The following FRMD4A variants were observed in gnomAD, a reference collection of about 807,000 sequenced individuals.
The protein encoded by FRMD4A is FERM domain containing 4A, also known as FERM domain-containing protein 4A.
In FRMD4A, 29 loss-of-function variants were observed where a neutral mutation model predicts 129.1. The observed-to-expected ratio is 0.22, with a 90% confidence interval of 0.17 to 0.31. FRMD4A has a LOEUF of 0.31. Ranked by LOEUF, FRMD4A falls within the 10% of genes least tolerant of loss-of-function variation. FRMD4A has a pLI of 1.00. For missense variants in FRMD4A, 1,272 were observed against 1,375.8 expected (o/e 0.92, Z 1.19); for synonymous variants, 634 against 571.6 (o/e 1.11, Z -1.56).
chr10:14,081,934 G>T (rs886116508), intron 2 of FRMD4A, among the ~76,000 whole-genome samples: 3 of 152,198 alleles, frequency 2.0e-5, no homozygotes, highest in Admixed American at 1.3e-4. Context: ...ACTTCTTAAA[G>T]ATTTTCTATC....
intron 6 of FRMD4A, among the ~76,000 whole-genome samples, chr10:13,767,453 G>A (rs1183498265): frequency 6.6e-6 from 1 of 152,120 alleles, no homozygotes; most frequent in Non-Finnish European, 1.5e-5. Context: ...TGGCCAGGCT[G>A]GTCTCAAACT....
intron 2 of FRMD4A, among the ~76,000 whole-genome samples, chr10:14,300,857 C>T (rs938308919): frequency 2.0e-5 from 3 of 152,142 alleles, no homozygotes; most frequent in Admixed American, 6.5e-5. Flanking sequence ...TTTCCCTTTG[C>T]TACTGGGAGG....
chr10:13,789,769 A>ATGTGTGTGTGTGTGTGTGTGTGTG (rs57602565), intron 5 of FRMD4A, among the ~76,000 whole-genome samples: 25 of 130,208 alleles, frequency 1.9e-4, no homozygotes, highest in African/African-American at 7.6e-4. Context: ...GCTGCTTATA[A>ATGTGTGTGTGTGTGTGTGTGTGTG]TGTGTGTGTG....
chr10:13,693,830 C>G, intron 15 of FRMD4A, 68 bp downstream of exon 15: 1 of 1,540,878 alleles, frequency 6.5e-7, no homozygotes, highest in Non-Finnish European at 9.0e-7. Flanking sequence ...GCTCTCCCCA[C>G]CTTCCTGGGT....
At chr10:14,016,046 C>T (rs1482088552) in intron 2 of FRMD4A, among the ~76,000 whole-genome samples, 1 of 152,162 alleles carries the variant, frequency 6.6e-6, no homozygotes, top group Non-Finnish European at 1.5e-5. Context: ...GAAGAGTTTT[C>T]TTTTGTTCCT....
intron 2 of FRMD4A, among the ~76,000 whole-genome samples, chr10:14,267,069 T>G (rs1176780310): frequency 6.6e-6 from 1 of 152,228 alleles, no homozygotes; most frequent in African/African-American, 2.4e-5. Flanking sequence ...ATAGGTGTGA[T>G]TAACAGAGTT....
intron 16 of FRMD4A, 50 bp from the exon 17 acceptor site, chr10:13,670,578 T>C: frequency 6.3e-7 from 1 of 1,599,490 alleles, no homozygotes; most frequent in Non-Finnish European, 8.5e-7. Flanking sequence ...GAGTGGGGCG[T>C]GTCTGCTTCC....
chr10:14,039,381 TCCATCCATCCATCCATCC>T (rs1565204390), intron 2 of FRMD4A, among the ~76,000 whole-genome samples: 21 of 140,280 alleles, frequency 1.5e-4, no homozygotes, highest in African/African-American at 3.3e-4. Flanking sequence ...CATCCATCCA[TCCATCCATCCATCCATCC>T]ATCCATCCAT....
chr10:14,248,463 T>G (rs1289386254), intron 2 of FRMD4A, among the ~76,000 whole-genome samples: 1 of 100,908 alleles, frequency 9.9e-6, no homozygotes, highest in Non-Finnish European at 2.1e-5. Flanking sequence ...AGAGCCAATT[T>G]TAGAGTCATT....
intron 2 of FRMD4A, among the ~76,000 whole-genome samples, chr10:14,150,253 C>A (rs1390874512): frequency 6.6e-6 from 1 of 151,956 alleles, no homozygotes. Flanking sequence ...AGTATTGATC[C>A]TAAAAGGAAG....
rs1296611919 is a variant in FRMD4A at position 14,178,958 on chromosome 10, AAATGC to A, written c.45+151095_45+151099del. 5.3e-5 allele frequency among the ~76,000 whole-genome samples: 8 copies of A among 152,296 alleles called. No individual in the cohort carries two copies. The South Asian group carries it at 1.7e-3, about 32-fold the overall frequency. ...CCCACACCAAGGAACCTCTCTTAGC[AAATGC>A]CCTTGCCCTTTGAGCCACCCTTCTT... On this transcript the variant is annotated intron_variant, in intron 2 of 24. Coordinates refer to ENST00000357447, the MANE Select transcript of FRMD4A (RefSeq NM_018027.5).
chr10:13,953,107 T>A (rs1309806055), intron 2 of FRMD4A, among the ~76,000 whole-genome samples: 1 of 152,212 alleles, frequency 6.6e-6, no homozygotes, highest in East Asian at 1.9e-4. Flanking sequence ...CTCCAGAACC[T>A]GTAGCCCATA....
chr10:14,198,487 A>G (rs1253339727), intron 2 of FRMD4A, among the ~76,000 whole-genome samples: 1 of 152,224 alleles, frequency 6.6e-6, no homozygotes, highest in Non-Finnish European at 1.5e-5. Flanking sequence ...AGGAGGCTGC[A>G]TCCCAGGGAA....
At chr10:14,184,991 G>A (rs1842041708) in intron 2 of FRMD4A, among the ~76,000 whole-genome samples, 1 of 151,962 alleles carries the variant, frequency 6.6e-6, no homozygotes, top group Non-Finnish European at 1.5e-5. Flanking sequence ...CAGAGAGCGC[G>A]GAATGAGAGA....
chr10:13,888,052 A>G (rs1249224677), intron 2 of FRMD4A, among the ~76,000 whole-genome samples: 1 of 152,242 alleles, frequency 6.6e-6, no homozygotes, highest in African/African-American at 2.4e-5. Flanking sequence ...TTTGTGTGCA[A>G]TCGTGACTCC....
At chr10:13,891,460 T>C (rs768772406) in intron 2 of FRMD4A, among the ~76,000 whole-genome samples, 1 of 152,016 alleles carries the variant, frequency 6.6e-6, no homozygotes, top group Non-Finnish European at 1.5e-5. Flanking sequence ...CACGTGGGAT[T>C]TGCATTTAAA....
intron 3 of FRMD4A, among the ~76,000 whole-genome samples, chr10:13,826,280 T>A (rs756060121): frequency 6.6e-6 from 1 of 152,188 alleles, no homozygotes; most frequent in Non-Finnish European, 1.5e-5. Flanking sequence ...TGAGCTGTCA[T>A]CCTTCATCTC....
At chr10:13,696,045 T>C (rs758736424) in intron 14 of FRMD4A, among the ~76,000 whole-genome samples, 8 of 152,166 alleles carry the variant, frequency 5.3e-5, no homozygotes, top group Non-Finnish European at 1.0e-4. Context: ...CTCCTCCTCC[T>C]CCCTACCCCG....
chr10:13,689,896 TTATTA>T (rs565325649), intron 15 of FRMD4A, among the ~76,000 whole-genome samples: 1,783 of 152,224 alleles, frequency 0.012, 27 homozygotes, highest in African/African-American at 0.041. Context: ...TGCAGGAGTC[TTATTA>T]GTATCCTTCA....
Sources: gnomAD v4.1 joint callset for allele counts (sites outside exome capture counted in the v4.1 genomes callset) on GRCh38, gnomAD v4.1.1 for gene constraint, MANE v1.5 for transcripts, NCBI Gene and HGNC (gene_info 2026-07-23, HGNC 2026-07-21) for gene names.